LAMA2: variants seen among roughly 807,000 people sequenced by gnomAD.
LAMA2 encodes the protein laminin subunit alpha-2.
LAMA2 carries 269 observed loss-of-function variants against 364.8 expected under a neutral mutation model. The ratio of observed to expected loss-of-function variants is 0.74; its 90% CI spans 0.67 to 0.82. The LOEUF is 0.82. LAMA2 is among the 40% of genes least tolerant of loss of function. LAMA2 has a pLI of 0.00. For missense variants in LAMA2, 3,807 were observed against 3,873.2 expected (o/e 0.98, Z 0.45); for synonymous variants, 1,379 against 1,370.6 (o/e 1.01, Z -0.14).
rs751864659 is a variant in LAMA2, at chr6:129,148,973, G to C, written c.910-6G>C. 3.7e-5 allele frequency: 59 copies of C among 1,602,720 alleles called. No homozygotes were observed. Among genetic ancestry groups the C allele is most frequent in the Non-Finnish European group, 5.0e-5 (58 of 1,169,918 alleles). On this transcript the variant is annotated splice_region_variant and splice_polypyrimidine_tract_variant and intron_variant, in intron 6 of 64. Coordinates refer to ENST00000421865, the MANE Select transcript of LAMA2 (RefSeq NM_000426.4). Reference sequence around the variant, plus strand: ...AAATTTGTGCTTCCTCCCTCTTTTTGACTAGAAATCTCGCTGTGAGTGTGA... The same window carrying C: ...AAATTTGTGCTTCCTCCCTCTTTTTCACTAGAAATCTCGCTGTGAGTGTGA...
intron 1 of LAMA2, among the ~76,000 whole-genome samples, chr6:129,019,074 T>A (rs1024025935): frequency 1.3e-5 from 2 of 152,134 alleles, no homozygotes; most frequent in Admixed American, 6.5e-5. Context: ...CCCACTGTAC[T>A]GTTTTTCTAC....
chr6:129,031,758 A>G (rs76690725), intron 1 of LAMA2, among the ~76,000 whole-genome samples: 2,534 of 152,312 alleles, frequency 0.017, 49 homozygotes, highest in African/African-American at 0.048. Context: ...CTGACAAAAG[A>G]AAGTTTGCCA....
In LAMA2 at chr6:129,497,966, T is replaced by C. The variant is rs149376300; in HGVS notation, c.8245-4693T>C. Among the ~76,000 whole-genome samples, 981 of 152,270 alleles carry C rather than the reference T, an allele frequency of 6.4e-3. 6 individuals carry two copies. The highest frequency in any genetic ancestry group is 0.02 in the Middle Eastern group (6 of 294). On this transcript the variant is annotated intron_variant, in intron 58 of 64. Coordinates refer to ENST00000421865, the MANE Select transcript of LAMA2 (RefSeq NM_000426.4). ...CTACATGTTCTATTTGTGGATATTT[T>C]TCATGGAGGATGGCAGGAGGTAGAG...
chr6:129,138,119 A>G (rs185112926), intron 4 of LAMA2, among the ~76,000 whole-genome samples: 41 of 152,194 alleles, frequency 2.7e-4, no homozygotes, highest in Non-Finnish European at 5.0e-4. Flanking sequence ...AAAGGAAAGT[A>G]AAAATGATTC....
intron 45 of LAMA2, among the ~76,000 whole-genome samples, chr6:129,452,531 G>A (rs1305872688): frequency 6.6e-6 from 1 of 152,120 alleles, no homozygotes; most frequent in African/African-American, 2.4e-5. Context: ...GTATAGGAGG[G>A]TTGGTAATTT....
At chr6:129,236,925 A>C (rs988472252) in intron 12 of LAMA2, among the ~76,000 whole-genome samples, 6 of 152,298 alleles carry the variant, frequency 3.9e-5, no homozygotes, top group Admixed American at 3.3e-4. Context: ...ATGATTGTGT[A>C]TTTCATTGAA....
chr6:129,376,933 ATTG>A, intron 34 of LAMA2, among the ~76,000 whole-genome samples: 1 of 152,332 alleles, frequency 6.6e-6, no homozygotes, highest in African/African-American at 2.4e-5. Context: ...TATCACCAAT[ATTG>A]TACACATAAT....
At chr6:129,410,079 T>C (rs1007516601) in intron 40 of LAMA2, among the ~76,000 whole-genome samples, 3 of 152,210 alleles carry the variant, frequency 2.0e-5, no homozygotes, top group Non-Finnish European at 2.9e-5. Context: ...GATGTCTTAG[T>C]GCTTTTCAAT....
chr6:129,036,539 A>C (rs1318988341), intron 1 of LAMA2, among the ~76,000 whole-genome samples: 2 of 152,182 alleles, frequency 1.3e-5, no homozygotes, highest in Non-Finnish European at 2.9e-5. Flanking sequence ...CAATAAAAAT[A>C]CTTAACATTT....
At chr6:129,345,891 A>G (rs1339445727) in intron 30 of LAMA2, among the ~76,000 whole-genome samples, 3 of 152,172 alleles carry the variant, frequency 2.0e-5, no homozygotes, top group Non-Finnish European at 4.4e-5. Flanking sequence ...TTAAAATGTG[A>G]AGCAAAGAAA....
intron 3 of LAMA2, among the ~76,000 whole-genome samples, chr6:129,076,605 G>A (rs1773673692): frequency 6.7e-6 from 1 of 149,660 alleles, no homozygotes; most frequent in South Asian, 2.1e-4. Context: ...ATACCTACTG[G>A]TGTTCATTTT....
chr6:128,962,139 C>T lies in LAMA2; in HGVS notation c.112+78782C>T, dbSNP rs1284320281. Among the ~76,000 whole-genome samples, 3 of 38,100 alleles carry T rather than the reference C, an allele frequency of 7.9e-5. No homozygotes were observed. The East Asian group carries it at 3.5e-3, about 45-fold the overall frequency. The allele number at this position is 38,100 out of a possible 152,430, so 25.0% of individuals were successfully genotyped here. ...TCTTTTCTGATGTCATCCTCTGGAC[C>T]ATATATATATATATATATATATATA... On this transcript the variant is annotated intron_variant, in intron 1 of 64. Transcript: ENST00000421865.
chr6:129,292,797 T>C (rs952831288), intron 20 of LAMA2: 2 of 985,662 alleles, frequency 2.0e-6, no homozygotes, highest in African/African-American at 3.5e-5. Flanking sequence ...TGGTTGGTTT[T>C]TAAAGCCCAA....
intron 12 of LAMA2, among the ~76,000 whole-genome samples, chr6:129,221,896 T>G (rs551818222): frequency 6.6e-6 from 1 of 152,290 alleles, no homozygotes; most frequent in East Asian, 1.9e-4. Context: ...TGAAAATAAA[T>G]GAACTACAGG....
At chr6:129,190,678 T>C (rs17056928) in intron 11 of LAMA2, among the ~76,000 whole-genome samples, 3,245 of 152,324 alleles carry the variant, frequency 0.021, 104 homozygotes, top group East Asian at 0.15. Flanking sequence ...ATATGAATTA[T>C]ATTTTCCATT....
In LAMA2 at chr6:129,342,333, TC is replaced by T. The variant is rs1158204478; in HGVS notation, c.4312-8del. 1.9e-6 allele frequency: 3 copies of T among 1,611,920 alleles called. No individual in the cohort carries two copies. Among genetic ancestry groups the T allele is most frequent in the Non-Finnish European group, 8.5e-7 (1 of 1,178,372 alleles). ...TTAAAAACAAACTTCTTCTCCCTTTTCCTTTACAGAATTGTCAACATCACAC... is the reference window on the plus strand; with the variant it reads ...TTAAAAACAAACTTCTTCTCCCTTTTCTTTACAGAATTGTCAACATCACAC... On this transcript the variant is annotated splice_polypyrimidine_tract_variant and intron_variant, in intron 29 of 64. Coordinates refer to ENST00000421865, the MANE Select transcript of LAMA2 (RefSeq NM_000426.4).
intron 36 of LAMA2, among the ~76,000 whole-genome samples, 167 bp from the exon 37 acceptor site, chr6:129,392,878 G>C (rs867057690): frequency 6.6e-6 from 1 of 152,062 alleles, no homozygotes; most frequent in African/African-American, 2.4e-5. Context: ...ATGGTCTCAG[G>C]TACCAGTTTT....
intron 10 of LAMA2, among the ~76,000 whole-genome samples, chr6:129,180,182 A>C (rs933925343): frequency 1.3e-5 from 2 of 152,170 alleles, no homozygotes; most frequent in Admixed American, 6.5e-5. Flanking sequence ...AGCATGGATC[A>C]AAATGCTGCT....
intron 30 of LAMA2, among the ~76,000 whole-genome samples, chr6:129,347,497 C>T (rs1426219506): frequency 6.6e-6 from 1 of 152,100 alleles, no homozygotes; most frequent in Non-Finnish European, 1.5e-5. Context: ...TGAAAAGGAA[C>T]AACCAATGAA....
Sources: allele counts gnomAD v4.1 joint callset (sites outside exome capture counted in the v4.1 genomes callset), GRCh38; gene constraint gnomAD v4.1.1; transcripts MANE v1.5; gene names NCBI Gene and HGNC (gene_info 2026-07-23, HGNC 2026-07-21).